FGF7: variants seen among roughly 807,000 people sequenced by gnomAD.
FGF7 encodes FGF-7.
Under a neutral mutation model 20.5 loss-of-function variants are expected in FGF7, and 6 were observed. The ratio of observed to expected loss-of-function variants is 0.29; its 90% CI spans 0.16 to 0.58. The LOEUF (loss-of-function observed/expected upper bound fraction) is 0.58. Among genes scored for constraint, FGF7 ranks in the 20% least tolerant of loss-of-function variants. The pLI, the probability that FGF7 is intolerant of heterozygous loss-of-function variation, is 0.90. For synonymous variants in FGF7, 64 were observed against 74.7 expected, an observed-to-expected ratio of 0.86 and a Z score of 0.74; for missense variants, 144 against 228.8, an observed-to-expected ratio of 0.63 and a Z score of 2.39.
intron 2 of FGF7, among the ~76,000 whole-genome samples, chr15:49,473,561 G>T (rs1302303857): frequency 6.6e-6 from 1 of 152,088 alleles, no homozygotes; most frequent in Non-Finnish European, 1.5e-5. Context: ...AGAAAATATT[G>T]TGACAATCAT....
chr15:49,450,748 A>G (rs2052648281), intron 2 of FGF7, among the ~76,000 whole-genome samples: 1 of 152,162 alleles, frequency 6.6e-6, no homozygotes, highest in Non-Finnish European at 1.5e-5. Flanking sequence ...AACAAAACTA[A>G]TAACACTGCG....
chr15:49,484,277 G>C, intron 3 of FGF7, 33 bp from the exon 4 acceptor site: 1 of 1,497,858 alleles, frequency 6.7e-7, no homozygotes, highest in Non-Finnish European at 9.1e-7. Context: ...AAAATCATTT[G>C]GATAATGTCT....
intron 2 of FGF7, among the ~76,000 whole-genome samples, chr15:49,475,455 C>T (rs1038556664): frequency 5.9e-5 from 9 of 152,056 alleles, no homozygotes; most frequent in Non-Finnish European, 1.0e-4. Context: ...GACCTATAGG[C>T]ACAGAGATGG....
chr15:49,446,795 A>T (rs1365781984), intron 2 of FGF7, among the ~76,000 whole-genome samples: 2 of 151,586 alleles, frequency 1.3e-5, no homozygotes, highest in Admixed American at 1.3e-4. Context: ...CAAAACAAGG[A>T]TAAATGGGAG....
At chr15:49,475,161 A>G (rs2055151095) in intron 2 of FGF7, among the ~76,000 whole-genome samples, 1 of 152,182 alleles carries the variant, frequency 6.6e-6, no homozygotes, top group Admixed American at 6.5e-5. Flanking sequence ...ATGATTAGTG[A>G]AACATGAGAA....
In FGF7 at chr15:49,435,724, G is replaced by T. The variant is rs147814254; in HGVS notation, c.286+11141G>T. On this transcript the variant is annotated intron_variant, in intron 2 of 3. Coordinates refer to ENST00000267843, the MANE Select transcript of FGF7 (RefSeq NM_002009.4). ...ATGAGCATAAATCTATATCATAGTT[G>T]CTATGTTGTAATTTAAAATTTATGA... 4.0e-3 allele frequency among the ~76,000 whole-genome samples: 609 copies of T among 151,534 alleles called. 8 individuals are homozygous for T. Among genetic ancestry groups the T allele is most frequent in the Admixed American group, 6.3e-3 (96 of 15,170 alleles).
At chr15:49,439,095 T>C (rs1419338955) in intron 2 of FGF7, among the ~76,000 whole-genome samples, 1 of 151,732 alleles carries the variant, frequency 6.6e-6, no homozygotes, top group Non-Finnish European at 1.5e-5. Context: ...AGTCTTCTTA[T>C]GTCTTGACTG....
chr15:49,461,335 T>C (rs17479589), intron 2 of FGF7, among the ~76,000 whole-genome samples: 38,665 of 152,202 alleles, frequency 0.25, 5,774 homozygotes, highest in Non-Finnish European at 0.35. Context: ...CAATGTTAGA[T>C]ACTGAGTAGG....
rs931114685 is a variant in FGF7 at position 49,453,134 on chromosome 15, G to A, written c.286+28551G>A. Among the ~76,000 whole-genome samples the A allele has an allele frequency of 2.0e-5, 3 of 151,916 alleles. No individual in the cohort carries two copies. The East Asian group carries it at 5.8e-4, about 29-fold the overall frequency. ...TTGAGGTCAACAAAAAGTGGTAGTA[G>A]CATGTTTGGTTCCCATTTTATATTC... On this transcript the variant is annotated intron_variant, in intron 2 of 3. Coordinates refer to ENST00000267843, the MANE Select transcript of FGF7 (RefSeq NM_002009.4).
intron 2 of FGF7, among the ~76,000 whole-genome samples, chr15:49,446,566 T>C (rs1000095653): frequency 2.6e-5 from 4 of 151,008 alleles, no homozygotes; most frequent in African/African-American, 9.7e-5. Context: ...AAGGAAGGAT[T>C]GGTTGGAGGA....
intron 2 of FGF7, among the ~76,000 whole-genome samples, chr15:49,460,268 T>A (rs1228796847): frequency 1.3e-5 from 2 of 152,160 alleles, no homozygotes; most frequent in African/African-American, 4.8e-5. Flanking sequence ...GCTGCACAAT[T>A]ACTTACATAG....
chr15:49,484,398 G>T lies in FGF7; in HGVS notation c.479G>T (p.Gly160Val). Residue 160 changes from glycine to valine, a missense_variant, in exon 4 of 4, where the codon GGA (glycine) becomes GTA (valine). This residue lies in a region of FGF7 where 56 missense variants were observed against 125.4 expected (regional missense o/e 0.45). Transcript: ENST00000267843. ...TYASAKWTHN[G>V]GEMFVALNQK... The stretch of plus-strand genomic sequence containing the variant: ...GCATCAGCTAAATGGACACACAACG[G>T]AGGGGAAATGTTTGTTGCCTTAAAT... 6.3e-7 allele frequency: 1 copy of T among 1,594,216 alleles called. No individual in the cohort carries two copies. The highest frequency in any genetic ancestry group is 8.5e-7 in the Non-Finnish European group (1 of 1,178,092).
At chr15:49,458,059 A>C (rs1449112612) in intron 2 of FGF7, among the ~76,000 whole-genome samples, 1 of 151,970 alleles carries the variant, frequency 6.6e-6, no homozygotes, top group East Asian at 1.9e-4. Flanking sequence ...CAAATGACAT[A>C]AAACATGTAA....
intron 2 of FGF7, among the ~76,000 whole-genome samples, chr15:49,480,599 A>G (rs958232925): frequency 1.3e-5 from 2 of 148,960 alleles, no homozygotes; most frequent in African/African-American, 5.0e-5. Flanking sequence ...CTCCTGCTTC[A>G]GCCTCCTGAG....
intron 2 of FGF7, among the ~76,000 whole-genome samples, chr15:49,478,165 C>A (rs563089536): frequency 3.9e-5 from 6 of 152,220 alleles, no homozygotes; most frequent in Middle Eastern, 6.8e-3. Flanking sequence ...GGAAAACATG[C>A]AGTATTTAGT....
At chr15:49,471,820 C>T (rs190483759) in intron 2 of FGF7, among the ~76,000 whole-genome samples, 3 of 152,024 alleles carry the variant, frequency 2.0e-5, no homozygotes, top group Middle Eastern at 3.4e-3. Context: ...CTTCCTGACA[C>T]GTGTATCAAG....
In FGF7 at chr15:49,471,660, C is replaced by A. The variant is rs145415124; in HGVS notation, c.287-11491C>A. Among the ~76,000 whole-genome samples the A allele has an allele frequency of 8.3e-3, 1,259 of 151,926 alleles. 22 individuals carry two copies. Among genetic ancestry groups the A allele is most frequent in the African/African-American group, 0.029 (1,191 of 41,414 alleles). On this transcript the variant is annotated intron_variant, in intron 2 of 3. Transcript: ENST00000267843. ...GTTATGATTTTCTAATCAAGAATGG[C>A]GAATCTGGTCTTTTTGAGAGTGACA...
At chr15:49,454,609 T>C (rs2053094107) in intron 2 of FGF7, among the ~76,000 whole-genome samples, 2 of 152,198 alleles carry the variant, frequency 1.3e-5, no homozygotes, top group African/African-American at 4.8e-5. Context: ...ATTTATTTTA[T>C]TTTTTATATT....
chr15:49,424,170 A>T lies in FGF7; in HGVS notation c.-128A>T. ...AGGATAAGGCTAACAATTTGGAAAG[A>T]GCAACTACTCTTTCTTAAATCAATC... is the stretch of plus-strand genomic sequence containing the variant. On this transcript the variant is annotated 5_prime_UTR_variant, in exon 2 of 4. Transcript: ENST00000267843. 1.2e-6 allele frequency: 1 copy of T among 801,890 alleles called. No homozygotes were observed. Among genetic ancestry groups the T allele is most frequent in the Non-Finnish European group, 2.0e-6 (1 of 502,534 alleles). 49.7% of individuals were successfully genotyped at this position (801,890 alleles called of 1,614,324 possible).
Sources: allele counts gnomAD v4.1 joint callset (sites outside exome capture counted in the v4.1 genomes callset), GRCh38; gene constraint gnomAD v4.1.1; regional missense constraint gnomAD v4.1.1; transcripts MANE v1.5; gene names NCBI Gene and HGNC (gene_info 2026-07-23, HGNC 2026-07-21).